Variants in PPP2R2C observed in about 807,000 individuals in gnomAD.
PPP2R2C encodes the protein protein phosphatase 2, regulatory subunit B, gamma.
In PPP2R2C, 10 loss-of-function variants were observed where a neutral mutation model predicts 45.3. The observed-to-expected ratio is 0.22, with a 90% CI of 0.14 to 0.37. The LOEUF is 0.37. PPP2R2C is among the 10% of genes least tolerant of loss of function. PPP2R2C has a pLI of 1.00. For synonymous variants in PPP2R2C, 257 were observed against 245.4 expected, an observed-to-expected ratio of 1.05 and a Z score of -0.44; for missense variants, 308 against 619.7, an observed-to-expected ratio of 0.50 and a Z score of 5.34.
intron 1 of PPP2R2C, among the ~76,000 whole-genome samples, chr4:6,398,176 C>A (rs529708125): frequency 1.3e-5 from 2 of 152,164 alleles, no homozygotes; most frequent in African/African-American, 4.8e-5. Flanking sequence ...TTCTAGGAGA[C>A]ATTATAGAAG....
chr4:6,438,868 A>C (rs1299565015), intron 1 of PPP2R2C, among the ~76,000 whole-genome samples: 1 of 152,256 alleles, frequency 6.6e-6, no homozygotes, highest in Non-Finnish European at 1.5e-5. Context: ...TATTAGGTGA[A>C]TAATACATGA....
At chr4:6,462,507 T>C (rs767142081) in intron 1 of PPP2R2C, among the ~76,000 whole-genome samples, 3 of 151,680 alleles carry the variant, frequency 2.0e-5, no homozygotes, top group Non-Finnish European at 2.9e-5. Context: ...TAATAACAAA[T>C]GTCTTCAACA....
chr4:6,371,363 C>T (rs1165663900), intron 5 of PPP2R2C, among the ~76,000 whole-genome samples: 1 of 152,228 alleles, frequency 6.6e-6, no homozygotes, highest in Non-Finnish European at 1.5e-5. Context: ...ATTTGTTACT[C>T]TCTTTCACCC....
At chr4:6,390,228 T>TGG (rs147027347) in intron 1 of PPP2R2C, among the ~76,000 whole-genome samples, 21 of 151,566 alleles carry the variant, frequency 1.4e-4, no homozygotes, top group South Asian at 4.2e-4. Flanking sequence ...AGAGGGAGGC[T>TGG]GGGGGTGCAC....
intron 3 of PPP2R2C, among the ~76,000 whole-genome samples, chr4:6,377,758 G>A (rs1715449817): frequency 6.6e-6 from 1 of 152,158 alleles, no homozygotes; most frequent in Admixed American, 6.5e-5. Flanking sequence ...CAGGGGGCGT[G>A]AGTGGGGGAC....
chr4:6,524,087 A>AT lies in PPP2R2C; in HGVS notation c.49+11183dup, dbSNP rs74633647. ...TGCCACCAGGCCTGGCTAATTTTGT[A>AT]TTTTTTTTTTTTTTAGTAGAGACAG... On this transcript the variant is annotated intron_variant, in intron 2 of 9. Coordinates refer to the PPP2R2C transcript ENST00000506140. Among the ~76,000 whole-genome samples, 91 of 148,680 alleles carry AT rather than the reference A, an allele frequency of 6.1e-4. 1 individual carries two copies. The East Asian group carries it at 0.015, about 24-fold the overall frequency.
At chr4:6,398,543 A>G (rs1717206498) in intron 1 of PPP2R2C, among the ~76,000 whole-genome samples, 1 of 152,200 alleles carries the variant, frequency 6.6e-6, no homozygotes, top group Non-Finnish European at 1.5e-5. Context: ...GATGCAAATC[A>G]CAACGAGATA....
rs1391403192 is a variant in PPP2R2C at position 6,324,190 on chromosome 4, G to A, written c.1053-597C>T. Among the ~76,000 whole-genome samples the A allele has an allele frequency of 6.6e-6, 1 of 152,040 alleles. No homozygotes were observed. The highest frequency in any genetic ancestry group is 1.5e-5 in the Non-Finnish European group (1 of 68,018). On this transcript the variant is annotated intron_variant, in intron 8 of 8. Transcript: ENST00000382599. The surrounding 1 kb of genome is among the most constrained non-coding windows in gnomAD (Gnocchi z 4.1). ...CTCACACCTGTAATCCCAGCACTTT[G>A]GGAAGCCAAGGCGGGCAGATCACCT...
At chr4:6,371,662 G>A (rs1714836596) in intron 5 of PPP2R2C, among the ~76,000 whole-genome samples, 1 of 152,166 alleles carries the variant, frequency 6.6e-6, no homozygotes, top group African/African-American at 2.4e-5. Flanking sequence ...TGTGAGCTTT[G>A]AGCAAGTTAA....
At chr4:6,337,124 A>G (rs537781896) in intron 6 of PPP2R2C, among the ~76,000 whole-genome samples, 733 of 40,938 alleles carry the variant, frequency 0.018, 52 homozygotes, top group African/African-American at 0.082. Flanking sequence ...ATATATATAT[A>G]TATATATATA....
At chr4:6,347,205 G>C (rs967722967) in intron 6 of PPP2R2C, among the ~76,000 whole-genome samples, 1 of 152,208 alleles carries the variant, frequency 6.6e-6, no homozygotes, top group African/African-American at 2.4e-5. Context: ...GTGAAGATTC[G>C]ATGAGTTCAC....
rs751404245 is a variant in PPP2R2C, at chr4:6,329,257, C to T, written c.1052+5G>A. 6.2e-7 allele frequency: 1 copy of T among 1,613,374 alleles called. No homozygotes were observed. Among genetic ancestry groups the T allele is most frequent in the Non-Finnish European group, 8.5e-7 (1 of 1,179,406 alleles). ...GGTGAGGTGCGGGCTGAGGTCAGGG[C>T]TTACCTGTCGCTCCCGTTCCAGGCA... On this transcript the variant is annotated splice_donor_5th_base_variant and intron_variant, in intron 8 of 8. Transcript: ENST00000382599. This position sits in a 1 kb window ranked among gnomAD's most constrained non-coding sequence, Gnocchi z 5.8.
upstream of PPP2R2C, among the ~76,000 whole-genome samples, chr4:6,474,091 T>C (rs946522130): frequency 6.7e-6 from 1 of 149,912 alleles, no homozygotes; most frequent in Admixed American, 6.6e-5. Context: ...AGGATGTGCT[T>C]GTTCTTTGTC....
chr4:6,537,696 G>A (rs1366361954), intron 1 of PPP2R2C, among the ~76,000 whole-genome samples: 1 of 151,832 alleles, frequency 6.6e-6, no homozygotes, highest in East Asian at 1.9e-4. Flanking sequence ...AACTACAGGT[G>A]CCTGCCACCA....
intron 1 of PPP2R2C, among the ~76,000 whole-genome samples, chr4:6,394,103 A>G (rs1197381036): frequency 6.6e-6 from 1 of 152,188 alleles, no homozygotes; most frequent in African/African-American, 2.4e-5. Flanking sequence ...GAAGCTTGCC[A>G]AGGCTCTGCC....
At chr4:6,403,030 C>G (rs1474377395) in intron 1 of PPP2R2C, among the ~76,000 whole-genome samples, 2 of 152,218 alleles carry the variant, frequency 1.3e-5, no homozygotes, top group East Asian at 3.9e-4. Flanking sequence ...GCTAGTAAGA[C>G]CAGGCGGCAG....
intron 1 of PPP2R2C, among the ~76,000 whole-genome samples, chr4:6,548,396 G>A (rs1304916284): frequency 2.6e-5 from 4 of 152,102 alleles, no homozygotes; most frequent in South Asian, 2.1e-4. Context: ...GCCACCAGCC[G>A]GCACATCCCA....
intron 1 of PPP2R2C, among the ~76,000 whole-genome samples, chr4:6,427,685 G>T (rs1719403216): frequency 6.6e-6 from 1 of 152,218 alleles, no homozygotes; most frequent in East Asian, 1.9e-4. Flanking sequence ...CTCGGTGATG[G>T]ATCTGTTTAC....
At chr4:6,350,158 T>C in intron 5 of PPP2R2C, 5 of 985,384 alleles carry the variant, frequency 5.1e-6, no homozygotes, top group Non-Finnish European at 6.0e-6. Flanking sequence ...GAAGCAGCGA[T>C]TAAATAATGA....
Sources: allele counts gnomAD v4.1 joint callset (sites outside exome capture counted in the v4.1 genomes callset), GRCh38; gene constraint gnomAD v4.1.1; non-coding constraint Gnocchi (gnomAD v3.1); transcripts MANE v1.5; gene names NCBI Gene and HGNC (gene_info 2026-07-23, HGNC 2026-07-21).